Variants in GRXCR1 observed in about 807,000 individuals in gnomAD.
The protein encoded by GRXCR1 is glutaredoxin and cysteine rich domain containing 1, also known as glutaredoxin domain-containing cysteine-rich protein 1.
Under a neutral mutation model 27.3 loss-of-function variants are expected in GRXCR1, and 27 were observed. The observed-to-expected ratio is 0.99, with a 90% confidence interval of 0.73 to 1.37. The LOEUF (loss-of-function observed/expected upper bound fraction) is 1.37. Ranked by LOEUF, GRXCR1 falls within the 40% of genes most tolerant of loss-of-function variation. The pLI, the probability that GRXCR1 is intolerant of heterozygous loss-of-function variation, is 0.00. For synonymous variants in GRXCR1, 122 were observed against 131.1 expected (o/e 0.93, Z 0.47); for missense variants, 379 against 354.4 (o/e 1.07, Z -0.56).
intron 1 of GRXCR1, among the ~76,000 whole-genome samples, chr4:42,959,393 C>A (rs1001589531): frequency 6.6e-6 from 1 of 151,188 alleles, no homozygotes; most frequent in Non-Finnish European, 1.5e-5. Context: ...ATCTCAAATA[C>A]ATAGGAACAG....
chr4:42,983,663 C>T (rs1002117872), intron 2 of GRXCR1, among the ~76,000 whole-genome samples: 18 of 152,172 alleles, frequency 1.2e-4, no homozygotes, highest in African/African-American at 3.9e-4. Context: ...GCCATTTTCA[C>T]GATATTGATT....
chr4:43,010,474 C>A (rs543856925), intron 2 of GRXCR1, among the ~76,000 whole-genome samples: 2 of 151,504 alleles, frequency 1.3e-5, no homozygotes, highest in Admixed American at 1.3e-4. Flanking sequence ...CTTGCAAGGG[C>A]TTTATCACAT....
intron 1 of GRXCR1, among the ~76,000 whole-genome samples, chr4:42,902,764 G>C (rs1453404560): frequency 6.6e-6 from 1 of 152,154 alleles, no homozygotes; most frequent in Admixed American, 6.5e-5. Context: ...GGGATGATCT[G>C]TGCAGCAAAC....
chr4:42,982,265 CTCATTGT>C (rs1415471939), intron 2 of GRXCR1, among the ~76,000 whole-genome samples: 1 of 141,406 alleles, frequency 7.1e-6, no homozygotes, highest in East Asian at 2.2e-4. Flanking sequence ...TCCATGTGAT[CTCATTGT>C]TCAATTCCCA....
intron 2 of GRXCR1, among the ~76,000 whole-genome samples, chr4:43,006,458 G>C (rs900294089): frequency 2.0e-5 from 3 of 152,076 alleles, no homozygotes; most frequent in Non-Finnish European, 4.4e-5. Context: ...GGAGATATAG[G>C]CTTATAAACA....
intron 2 of GRXCR1, among the ~76,000 whole-genome samples, chr4:42,976,462 A>T (rs1748523557): frequency 6.6e-6 from 1 of 152,016 alleles, no homozygotes. Context: ...TTTATTTTTG[A>T]ATTATAATGT....
chr4:42,896,585 G>C (rs752803040), intron 1 of GRXCR1, among the ~76,000 whole-genome samples: 2 of 152,032 alleles, frequency 1.3e-5, no homozygotes, highest in African/African-American at 2.4e-5. Context: ...TACAGAGCTC[G>C]AGAGAGGCCA....
intron 1 of GRXCR1, among the ~76,000 whole-genome samples, chr4:42,904,289 C>T (rs1358089111): frequency 6.6e-6 from 1 of 152,194 alleles, no homozygotes; most frequent in Non-Finnish European, 1.5e-5. Flanking sequence ...CTTGGGACTA[C>T]TTACCTTCAT....
chr4:42,943,282 A>G (rs1747664892), intron 1 of GRXCR1, among the ~76,000 whole-genome samples: 2 of 152,086 alleles, frequency 1.3e-5, no homozygotes, highest in South Asian at 4.1e-4. Flanking sequence ...TTGAAAGAAA[A>G]TTTGTGTATA....
chr4:42,930,706 G>A (rs1175714175), intron 1 of GRXCR1, among the ~76,000 whole-genome samples: 1 of 151,992 alleles, frequency 6.6e-6, no homozygotes, highest in Non-Finnish European at 1.5e-5. Flanking sequence ...CCACAGATAA[G>A]TGAATTATTA....
intron 3 of GRXCR1, among the ~76,000 whole-genome samples, chr4:43,020,856 G>C (rs967427277): frequency 6.6e-6 from 1 of 152,128 alleles, no homozygotes; most frequent in African/African-American, 2.4e-5. Flanking sequence ...TTGTATTCCT[G>C]TGCTTATACA....
At chr4:42,963,674 A>G (rs1454396628) in intron 2 of GRXCR1, among the ~76,000 whole-genome samples, 4 of 151,938 alleles carry the variant, frequency 2.6e-5, no homozygotes, top group Non-Finnish European at 1.5e-5. Context: ...AGCAGAGAGA[A>G]CTCCCAGAGC....
rs758737417 is a variant in GRXCR1, at chr4:42,908,736, G to GA, written c.384+15092dup. 3.6e-4 allele frequency among the ~76,000 whole-genome samples: 55 copies of GA among 152,230 alleles called. No individual in the cohort carries two copies. The South Asian group carries it at 4.4e-3, about 12-fold the overall frequency. ...ACAACAAGGAATGGTGGTGAGCGGA[G>GA]AAAAAATCACAATTTAGGAGACTGG... On this transcript the variant is annotated intron_variant, in intron 1 of 3. Transcript: ENST00000399770.
intron 1 of GRXCR1, among the ~76,000 whole-genome samples, chr4:42,937,554 T>C (rs1255248258): frequency 6.6e-6 from 1 of 151,838 alleles, no homozygotes; most frequent in Non-Finnish European, 1.5e-5. Context: ...CTATAAATAT[T>C]TCCATATGCA....
At chr4:43,028,955 T>G (rs1248092625) in intron 3 of GRXCR1, among the ~76,000 whole-genome samples, 1 of 152,198 alleles carries the variant, frequency 6.6e-6, no homozygotes, top group Non-Finnish European at 1.5e-5. Flanking sequence ...AACGAGATAT[T>G]ATATGAGTTT....
At chr4:42,901,193 G>A (rs1200975954) in intron 1 of GRXCR1, among the ~76,000 whole-genome samples, 2 of 152,194 alleles carry the variant, frequency 1.3e-5, no homozygotes, top group Non-Finnish European at 1.5e-5. Flanking sequence ...ATATTCAGAA[G>A]AGACTGAACA....
chr4:42,918,349 G>C (rs1454221802), intron 1 of GRXCR1, among the ~76,000 whole-genome samples: 1 of 152,126 alleles, frequency 6.6e-6, no homozygotes, highest in East Asian at 1.9e-4. Context: ...TGTTGCGTTG[G>C]TGATTAAGTT....
chr4:42,997,328 G>A (rs1712202011), intron 2 of GRXCR1, among the ~76,000 whole-genome samples: 1 of 152,092 alleles, frequency 6.6e-6, no homozygotes, highest in Non-Finnish European at 1.5e-5. Context: ...TGATTTTAAT[G>A]AGCAGAAATC....
intron 1 of GRXCR1, among the ~76,000 whole-genome samples, chr4:42,925,431 C>T (rs879530475): frequency 2.6e-5 from 4 of 151,986 alleles, no homozygotes; most frequent in African/African-American, 4.8e-5. Context: ...TAAAGTGCAT[C>T]AGGATCCTGA....
Sources: gnomAD v4.1 joint callset for allele counts (sites outside exome capture counted in the v4.1 genomes callset) on GRCh38, gnomAD v4.1.1 for gene constraint, MANE v1.5 for transcripts, NCBI Gene and HGNC (gene_info 2026-07-23, HGNC 2026-07-21) for gene names.